RBM43: variants seen among roughly 807,000 people sequenced by gnomAD.
RBM43 encodes RNA binding motif protein 43.
RBM43 carries 12 observed loss-of-function variants against 12.4 expected under a neutral mutation model. That is an observed-to-expected ratio of 0.97 (90% confidence interval 0.62 to 1.57). RBM43 has a LOEUF of 1.57. Ranked by LOEUF, RBM43 falls within the 40% of genes most tolerant of loss-of-function variation. The pLI, the probability that RBM43 is intolerant of heterozygous loss-of-function variation, is 0.00. For missense variants in RBM43, 348 were observed against 400.1 expected (o/e 0.87, Z 1.11); for synonymous variants, 138 against 145.7 (o/e 0.95, Z 0.38).
intron 1 of RBM43, among the ~76,000 whole-genome samples, chr2:151,260,608 A>T (rs414488): frequency 0.034 from 5,255 of 152,340 alleles, 310 homozygotes; most frequent in African/African-American, 0.12. Flanking sequence ...TTGTTTGGTA[A>T]GAACTAGTTT....
rs1174868724 is a variant in RBM43, at chr2:151,247,993, G to A, written c.*2913C>T. ...TTTTAGTCATGATATAGTAAAACAC[G>A]TAAATTCACCAGTTTATAAAAATGA... is the stretch of plus-strand genomic sequence containing the variant. On this transcript the variant is annotated 3_prime_UTR_variant, in exon 4 of 4. Transcript: ENST00000331426. 7.9e-5 allele frequency: 12 copies of A among 152,144 alleles called. No homozygotes were observed. Among genetic ancestry groups the A allele is most frequent in the South Asian group, 2.1e-4 (1 of 4,814 alleles). The allele number at this position is 152,144 out of a possible 1,614,324, so 9.4% of individuals were successfully genotyped here.
At chr2:151,261,202 C>A (rs1474015823) in intron 1 of RBM43, 65 of 1,503,892 alleles carry the variant, frequency 4.3e-5, no homozygotes, top group Non-Finnish European at 5.5e-5. Flanking sequence ...AGAATTCGCA[C>A]CAAGGCAGAC....
chr2:151,261,630 G>A (rs1683048378), intron 1 of RBM43, 95 bp downstream of exon 1: 1 of 1,551,102 alleles, frequency 6.4e-7, no homozygotes, highest in Non-Finnish European at 8.7e-7. Flanking sequence ...CCTGCACCCT[G>A]GCCCGTCGCG....
chr2:151,253,549 C>T (rs543669715), intron 2 of RBM43, among the ~76,000 whole-genome samples: 2 of 152,178 alleles, frequency 1.3e-5, no homozygotes, highest in South Asian at 4.2e-4. Context: ...CAACATGTCC[C>T]GAATACCCAC....
rs932293089 is a variant in RBM43 at position 151,249,438 on chromosome 2, T to C, written c.*1468A>G. The C allele has an allele frequency of 2.1e-5, 3 of 146,244 alleles. No individual in the cohort carries two copies. The highest frequency in any genetic ancestry group is 7.6e-5 in the African/African-American group (3 of 39,330). The allele number at this position is 146,244 out of a possible 1,614,324, so 9.1% of individuals were successfully genotyped here. A position where few individuals can be genotyped will look rare whatever the true frequency, so the allele number is the denominator to read the frequency against. On this transcript the variant is annotated 3_prime_UTR_variant, in exon 4 of 4. Coordinates refer to ENST00000331426, the MANE Select transcript of RBM43 (RefSeq NM_198557.3). ...TGTCACCCAGGCTGGAGTGCAGTAG[T>C]GCAGTCTTGGCTCACTGCAAGCTCC...
rs1437077937 is a variant in RBM43 at position 151,248,252 on chromosome 2, C to T, written c.*2654G>A. On this transcript the variant is annotated 3_prime_UTR_variant, in exon 4 of 4. Coordinates refer to ENST00000331426, the MANE Select transcript of RBM43 (RefSeq NM_198557.3). ...GGTTTATACAGTATTTTCTTGGACT[C>T]AATTCTTTGTCATTGAAGATAAAAA... 1 of 151,950 alleles carries T rather than the reference C, an allele frequency of 6.6e-6. No individual in the cohort carries two copies. The highest frequency in any genetic ancestry group is 2.4e-5 in the African/African-American group (1 of 41,362). The allele number at this position is 151,950 out of a possible 1,614,324, so 9.4% of individuals were successfully genotyped here.
intron 2 of RBM43, among the ~76,000 whole-genome samples, chr2:151,253,479 C>T (rs1336272353): frequency 6.6e-6 from 1 of 152,124 alleles, no homozygotes; most frequent in Non-Finnish European, 1.5e-5. Context: ...ATAACTATCT[C>T]CCTCCCAAAT....
intron 1 of RBM43, chr2:151,261,071 C>G (rs1683039683): frequency 1.5e-6 from 1 of 659,886 alleles, no homozygotes; most frequent in Admixed American, 3.1e-5. Context: ...AACGTACTTG[C>G]TTTTGCATTT....
rs1486843346 is a variant in RBM43, at chr2:151,251,380, A to G, written c.600T>C (p.Asn200=). 7 of 1,614,170 alleles carry G rather than the reference A, an allele frequency of 4.3e-6. No individual in the cohort carries two copies. The highest frequency in any genetic ancestry group is 1.7e-6 in the Non-Finnish European group (2 of 1,179,992). Residue 200 remains asparagine, a synonymous_variant, in exon 4 of 4, where the codon AAT becomes AAC. Coordinates refer to ENST00000331426, the MANE Select transcript of RBM43 (RefSeq NM_198557.3). ...QNPQRNLQRS[N]NSLASVRTLV... ...AGGTCCTGACTGATGCCAAAGAGTT[A>G]TTACTTCTCTGTAGATTCCTCTGGG...
chr2:151,255,827 T>C (rs1279101558), intron 1 of RBM43, 84 bp from the exon 2 acceptor site: 30 of 1,012,084 alleles, frequency 3.0e-5, no homozygotes, highest in Middle Eastern at 2.1e-4. Flanking sequence ...GGAGAGAATA[T>C]CTTATTCTAT....
In RBM43 at chr2:151,252,769, GA is replaced by G; in HGVS notation, c.300del (p.His101IlefsTer10). On this transcript the variant is annotated frameshift_variant, in exon 3 of 4. Transcript: ENST00000331426. LOFTEE classifies it low-confidence loss of function (END_TRUNC). Reference sequence around the variant, plus strand: ...TCACACCTTACCTTGTCACCAAAATGAGAGACTCTGAGAGAGACTGTGAGTT... The same window carrying G: ...TCACACCTTACCTTGTCACCAAAATGGAGACTCTGAGAGAGACTGTGAGTT... The part of the protein sequence containing the change: ...HAELTVSLRV[S>X]HFGDKIFSSV... 1 of 1,584,158 alleles carries G rather than the reference GA, an allele frequency of 6.3e-7. No homozygotes were observed. The highest frequency in any genetic ancestry group is 8.7e-7 in the Non-Finnish European group (1 of 1,153,668).
rs1683048059 is a variant in RBM43, at chr2:151,261,604, C to A, written c.3+121G>T. Reference sequence around the variant, plus strand: ...GTCCCTGGGGCCCCTCCGTGCGCCGCCCCCTCCCGCGCAGCCCTGCACCCT... The same window carrying A: ...GTCCCTGGGGCCCCTCCGTGCGCCGACCCCTCCCGCGCAGCCCTGCACCCT... On this transcript the variant is annotated intron_variant, in intron 1 of 3. Transcript: ENST00000331426. The A allele has an allele frequency of 2.0e-6, 3 of 1,537,330 alleles. No individual in the cohort carries two copies. The Admixed American group carries it at 6.2e-5, about 32-fold the overall frequency.
At position 151,251,096 on chromosome 2, in the gene RBM43, G is replaced by T. The variant is rs769708080; in HGVS notation, c.884C>A (p.Thr295Lys). 2 of 1,613,266 alleles carry T rather than the reference G, an allele frequency of 1.2e-6. No individual in the cohort carries two copies. The highest frequency in any genetic ancestry group is 2.2e-5 in the South Asian group (2 of 91,018). ...ATTTTCCTTTCCTTCCAAAATAAAT[G>T]TCTCTTTTCTAAGCTTTAAGTAAAG... ...HALYLKLRKE[T>K]FILEGKENRE... Residue 295 changes from threonine to lysine, a missense_variant, in exon 4 of 4, where the codon ACA becomes AAA. By Grantham distance (78) the Thr-to-Lys change is moderately conservative. Transcript: ENST00000331426.
intron 3 of RBM43, among the ~76,000 whole-genome samples, chr2:151,252,286 G>A (rs555802487): frequency 2.6e-5 from 4 of 152,252 alleles, no homozygotes; most frequent in South Asian, 2.1e-4. Flanking sequence ...ACTTTGGGGG[G>A]CTGAGGTGGG....
intron 1 of RBM43, among the ~76,000 whole-genome samples, chr2:151,256,107 GC>G (rs200153724): frequency 0.014 from 2,079 of 152,038 alleles, 20 homozygotes; most frequent in Non-Finnish European, 0.02. Flanking sequence ...GATTACAGGT[GC>G]CCACCACCAC....
chr2:151,251,064 T>C lies in RBM43; in HGVS notation c.916A>G (p.Lys306Glu), dbSNP rs1310562408. The C allele has an allele frequency of 7.4e-6, 12 of 1,613,824 alleles. No homozygotes were observed. The highest frequency in any genetic ancestry group is 1.0e-5 in the Non-Finnish European group (12 of 1,179,904). Residue 306 changes from lysine to glutamate, a missense_variant, in exon 4 of 4, where the codon AAA becomes GAA. Physicochemically the swap from Lys to Glu is moderately conservative, Grantham distance 56. Transcript: ENST00000331426. Reference sequence around the variant, plus strand: ...TCACATGCCCTTTTGATCATTCTTTTCTCTCTATTTTCCTTTCCTTCCAAA... The same window carrying C: ...TCACATGCCCTTTTGATCATTCTTTCCTCTCTATTTTCCTTTCCTTCCAAA... ...FILEGKENRE[K>E]RMIKRACEQL...
chr2:151,251,190 T>C lies in RBM43; in HGVS notation c.790A>G (p.Ile264Val). The change falls in exon 4 of 4, where the codon ATT (isoleucine) becomes GTT (valine). Residue 264 changes from isoleucine to valine, a missense_variant. By Grantham distance (29) the Ile-to-Val change is conservative. Coordinates refer to ENST00000331426, the MANE Select transcript of RBM43 (RefSeq NM_198557.3). ...GEITTICLKS[I>V]QVGSQPNNAK... The stretch of plus-strand genomic sequence containing the variant: ...TTGTTTGGCTGAGAACCAACTTGAA[T>C]GCTTTTTAGACAAATTGTGGTGATT... 1 of 1,614,060 alleles carries C rather than the reference T, an allele frequency of 6.2e-7. No homozygotes were observed. Among genetic ancestry groups the C allele is most frequent in the Non-Finnish European group, 8.5e-7 (1 of 1,180,028 alleles).
intron 2 of RBM43, among the ~76,000 whole-genome samples, chr2:151,253,068 A>T (rs1682925967): frequency 6.6e-6 from 1 of 152,244 alleles, no homozygotes; most frequent in South Asian, 2.1e-4. Context: ...TATAAAGCAC[A>T]CAAGGTATTA....
rs560598429 is a variant in RBM43, at chr2:151,248,574, T to G, written c.*2332A>C. 2.6e-5 allele frequency: 4 copies of G among 152,250 alleles called. No individual in the cohort carries two copies. The East Asian group carries it at 7.7e-4, about 29-fold the overall frequency. 9.4% of individuals were successfully genotyped at this position (152,250 alleles called of 1,614,324 possible). On this transcript the variant is annotated 3_prime_UTR_variant, in exon 4 of 4. Coordinates refer to ENST00000331426, the MANE Select transcript of RBM43 (RefSeq NM_198557.3). ...TTTTGTTTTTGTTTTTATTTTTTTT[T>G]AGCCTCAAGATATCAATGAAATATG...
Sources: allele counts gnomAD v4.1 joint callset (sites outside exome capture counted in the v4.1 genomes callset), GRCh38; gene constraint gnomAD v4.1.1; transcripts MANE v1.5; gene names NCBI Gene and HGNC (gene_info 2026-07-23, HGNC 2026-07-21).